CELF2: variants seen among roughly 807,000 people sequenced by gnomAD.
The protein encoded by CELF2 is CUGBP Elav-like family member 2.
CELF2 carries 8 observed loss-of-function variants against 62.6 expected under a neutral mutation model. The ratio of observed to expected loss-of-function variants is 0.13; its 90% confidence interval spans 0.07 to 0.23. The LOEUF is 0.23. Among genes scored for constraint, CELF2 ranks in the 10% least tolerant of loss-of-function variants. CELF2 has a pLI of 1.00. For synonymous variants in CELF2, 258 were observed against 250.0 expected (o/e 1.03, Z -0.30); for missense variants, 333 against 671.0 (o/e 0.50, Z 5.56).
At chr10:11,096,087 T>C (rs1199917827) in intron 1 of CELF2, among the ~76,000 whole-genome samples, 2 of 152,212 alleles carry the variant, frequency 1.3e-5, no homozygotes, top group East Asian at 1.9e-4. Flanking sequence ...AGTAGCCTCA[T>C]GTTGACCTGC....
intron 2 of CELF2, among the ~76,000 whole-genome samples, chr10:10,965,431 A>G (rs1000058903): frequency 6.6e-6 from 1 of 152,218 alleles, no homozygotes; most frequent in African/African-American, 2.4e-5. Context: ...GCCTAAAGAT[A>G]GTAGATACAT....
the CELF2 span, among the ~76,000 whole-genome samples, chr10:10,790,693 T>C: frequency 6.6e-6 from 1 of 152,160 alleles, no homozygotes; most frequent in Non-Finnish European, 1.5e-5. Flanking sequence ...TCTTCAGTGA[T>C]CTAAGGTTAA....
intron 1 of CELF2, among the ~76,000 whole-genome samples, chr10:11,052,907 T>A (rs1404317674): frequency 1.3e-5 from 2 of 152,238 alleles, no homozygotes; most frequent in Admixed American, 1.3e-4. Context: ...ATCACACAAC[T>A]GGTCCATACT....
At chr10:10,998,014 T>C (rs2054145478) in intron 2 of CELF2, among the ~76,000 whole-genome samples, 1 of 151,982 alleles carries the variant, frequency 6.6e-6, no homozygotes, top group Admixed American at 6.5e-5. Flanking sequence ...GATCTGATGG[T>C]TTTATAAAGG....
At chr10:10,472,558 G>A in the CELF2 span, among the ~76,000 whole-genome samples, 4 of 151,816 alleles carry the variant, frequency 2.6e-5, no homozygotes, top group African/African-American at 7.3e-5. Context: ...TGACCATTGT[G>A]AGTCAGTTTC....
At chr10:11,327,823 CTCT>C (rs2095835914) in intron 12 of CELF2, among the ~76,000 whole-genome samples, 1 of 152,302 alleles carries the variant, frequency 6.6e-6, no homozygotes, top group African/African-American at 2.4e-5. Flanking sequence ...AAGTCATGTC[CTCT>C]TCTTCCTCCT....
chr10:10,729,539 A>G, the CELF2 span, among the ~76,000 whole-genome samples: 1 of 152,194 alleles, frequency 6.6e-6, no homozygotes, highest in Non-Finnish European at 1.5e-5. Flanking sequence ...TATATGAGAC[A>G]AAGATAAGAT....
the CELF2 span, among the ~76,000 whole-genome samples, chr10:10,489,992 G>A: frequency 5.9e-5 from 9 of 152,258 alleles, no homozygotes; most frequent in Admixed American, 2.6e-4. Flanking sequence ...AAGGAAAGAT[G>A]CAGAGTACTT....
chr10:11,222,926 C>G (rs1316365385), intron 3 of CELF2, among the ~76,000 whole-genome samples: 1 of 152,062 alleles, frequency 6.6e-6, no homozygotes, highest in African/African-American at 2.4e-5. Context: ...GTCTATATGC[C>G]CATAAACATA....
intron 1 of CELF2, among the ~76,000 whole-genome samples, chr10:11,148,635 A>G (rs1280121635): frequency 1.3e-5 from 2 of 152,146 alleles, no homozygotes; most frequent in East Asian, 1.9e-4. Context: ...TCCTAAAATG[A>G]CCATCTTTAT....
chr10:10,506,847 TA>T, the CELF2 span, among the ~76,000 whole-genome samples: 1 of 151,730 alleles, frequency 6.6e-6, no homozygotes, highest in Non-Finnish European at 1.5e-5. Context: ...GTATTTTCAG[TA>T]AAGACGGGGA....
At chr10:11,060,089 T>A (rs2066365033) in intron 1 of CELF2, among the ~76,000 whole-genome samples, 1 of 152,224 alleles carries the variant, frequency 6.6e-6, no homozygotes, top group Non-Finnish European at 1.5e-5. Context: ...GCTGTTGACT[T>A]CCTTGTGAAT....
chr10:10,712,159 A>C, the CELF2 span, among the ~76,000 whole-genome samples: 10 of 146,920 alleles, frequency 6.8e-5, no homozygotes, highest in African/African-American at 2.7e-4. Context: ...AAAAAAAAAA[A>C]AAAAAAAAAA....
At chr10:10,551,426 G>C in the CELF2 span, among the ~76,000 whole-genome samples, 1 of 152,112 alleles carries the variant, frequency 6.6e-6, no homozygotes, top group African/African-American at 2.4e-5. Flanking sequence ...GCTCTGCTGG[G>C]AGCCTTTGGC....
At position 11,039,507 on chromosome 10, in the gene CELF2, C is replaced by G. The variant is rs898496378; in HGVS notation, c.74+21344C>G. Among the ~76,000 whole-genome samples, 1 of 151,886 alleles carries G rather than the reference C, an allele frequency of 6.6e-6. No individual in the cohort carries two copies. Among genetic ancestry groups the G allele is most frequent in the Admixed American group, 6.6e-5 (1 of 15,260 alleles). Reference sequence around the variant, plus strand: ...TACTCAAAGTACCTTAAAACGAGTTCAGAGTTAATTATTTACTTCACAAGA... The same window carrying G: ...TACTCAAAGTACCTTAAAACGAGTTGAGAGTTAATTATTTACTTCACAAGA... On this transcript the variant is annotated intron_variant, in intron 1 of 12. Transcript: ENST00000633077. The surrounding 1 kb of genome is among the most constrained non-coding windows in gnomAD (Gnocchi z 4.1).
At chr10:11,059,421 T>C (rs141082270) in intron 1 of CELF2, among the ~76,000 whole-genome samples, 1 of 134,848 alleles carries the variant, frequency 7.4e-6, no homozygotes, top group East Asian at 2.0e-4. Flanking sequence ...TAAGACCGTT[T>C]ACCAAACAGT....
At chr10:11,312,631 G>A (rs1160245510) in intron 9 of CELF2, among the ~76,000 whole-genome samples, 2 of 152,336 alleles carry the variant, frequency 1.3e-5, no homozygotes, top group East Asian at 3.9e-4. Context: ...GTAGAGAGGG[G>A]AAATGGAATT....
the CELF2 span, among the ~76,000 whole-genome samples, chr10:10,787,659 C>G: frequency 6.6e-6 from 1 of 152,190 alleles, no homozygotes; most frequent in African/African-American, 2.4e-5. Flanking sequence ...GAAAAGTATT[C>G]TTTGTCCCTA....
intron 2 of CELF2, among the ~76,000 whole-genome samples, chr10:11,206,944 A>G (rs1457747785): frequency 2.6e-5 from 4 of 152,216 alleles, no homozygotes; most frequent in Non-Finnish European, 4.4e-5. Flanking sequence ...AGTTCGTGAA[A>G]CAGCTGAACA....
Sources: gnomAD v4.1 joint callset for allele counts (sites outside exome capture counted in the v4.1 genomes callset) on GRCh38, gnomAD v4.1.1 for gene constraint, Gnocchi (gnomAD v3.1) non-coding constraint, MANE v1.5 for transcripts, NCBI Gene and HGNC (gene_info 2026-07-23, HGNC 2026-07-21) for gene names.